Variants in FAM72A observed in about 807,000 individuals in gnomAD.
The protein encoded by FAM72A is protein FAM72A.
FAM72A carries 1 observed loss-of-function variant against 11.3 expected under a neutral mutation model. The ratio of observed to expected loss-of-function variants is 0.09; its 90% CI spans 0.03 to 0.42. FAM72A has a LOEUF of 0.42. Ranked by LOEUF, FAM72A falls within the 10% of genes least tolerant of loss-of-function variation. FAM72A has a pLI of 0.98. For synonymous variants in FAM72A, 5 were observed against 46.9 expected, an observed-to-expected ratio of 0.11 and a Z score of 3.65; for missense variants, 15 against 135.5, an observed-to-expected ratio of 0.11 and a Z score of 4.41.
At chr1:206,199,553 CT>C (rs1553298880) in intron 2 of FAM72A, among the ~76,000 whole-genome samples, 2 of 49,994 alleles carry the variant, frequency 4.0e-5, no homozygotes, top group Non-Finnish European at 8.1e-5. Context: ...TTTCTCCCCC[CT>C]AACCTACATT....
chr1:206,194,779 A>ATCACAGC (rs1664992286), intron 3 of FAM72A, among the ~76,000 whole-genome samples: 1 of 147,578 alleles, frequency 6.8e-6, no homozygotes, highest in Non-Finnish European at 1.5e-5. Flanking sequence ...CACTGGCATG[A>ATCACAGC]TCACAGCTCA....
At chr1:206,205,129 T>G (rs1372259057), upstream of FAM72A, 5 of 152,120 alleles carry the variant, frequency 3.3e-5, no homozygotes, top group Admixed American at 1.3e-4. Flanking sequence ...TGCCCAGCGC[T>G]GGCGGGGCTC....
intron 3 of FAM72A, among the ~76,000 whole-genome samples, chr1:206,194,283 G>T (rs1553298055): frequency 1.3e-5 from 2 of 152,250 alleles, no homozygotes; most frequent in Non-Finnish European, 2.9e-5. Context: ...AACTTTAATG[G>T]ATGAAGAGTT....
chr1:206,205,052 G>A (rs1458145060), upstream of FAM72A: 4 of 151,998 alleles, frequency 2.6e-5, no homozygotes, highest in Non-Finnish European at 4.4e-5. Context: ...GTACAGGGAG[G>A]TGCCCCGGCC....
intron 3 of FAM72A, among the ~76,000 whole-genome samples, chr1:206,193,522 C>T (rs1382878030): frequency 6.6e-6 from 1 of 152,138 alleles, no homozygotes; most frequent in African/African-American, 2.4e-5. Context: ...AAACAGCCTT[C>T]TATTGGAAGG....
chr1:206,192,818 G>A (rs1289354848), intron 3 of FAM72A, among the ~76,000 whole-genome samples: 3 of 144,798 alleles, frequency 2.1e-5, no homozygotes, highest in East Asian at 2.0e-4. Context: ...AGCAAAAAGT[G>A]CAGATGTAGA....
intron 3 of FAM72A, among the ~76,000 whole-genome samples, chr1:206,191,952 T>C (rs1664829778): frequency 1.3e-5 from 2 of 148,282 alleles, no homozygotes; most frequent in South Asian, 4.3e-4. Context: ...GCTAAAATAA[T>C]TAGTATAGGC....
chr1:206,193,751 C>G (rs1201315605), intron 3 of FAM72A, among the ~76,000 whole-genome samples: 1 of 150,796 alleles, frequency 6.6e-6, no homozygotes, highest in Non-Finnish European at 1.5e-5. Context: ...GCCTGGACGA[C>G]AGCAAATCTG....
intron 3 of FAM72A, 148 bp from the exon 4 acceptor site, chr1:206,187,521 A>C (rs1276224228): frequency 9.7e-6 from 6 of 618,330 alleles, no homozygotes; most frequent in African/African-American, 7.4e-5. Flanking sequence ...ACTGCAAATA[A>C]AATTACCTAA....
chr1:206,203,844 T>G (rs1665579776), upstream of FAM72A: 5 of 1,507,458 alleles, frequency 3.3e-6, no homozygotes, highest in East Asian at 1.2e-4. Context: ...CCCATAATAC[T>G]TCTCAGGACT....
chr1:206,202,040 GA>G lies in FAM72A; in HGVS notation c.-16del, dbSNP rs1553299298. On this transcript the variant is annotated 5_prime_UTR_variant, in exon 1 of 4. Transcript: ENST00000367128. ...TTGGTAGACATGGCGTCGCAGGAAGGATGAGGTGTGGGATTTTGAAAAAGGA... is the reference window on the plus strand; with the variant it reads ...TTGGTAGACATGGCGTCGCAGGAAGGTGAGGTGTGGGATTTTGAAAAAGGA... 1 of 1,478,956 alleles carries G rather than the reference GA, an allele frequency of 6.8e-7. No individual in the cohort carries two copies. Among genetic ancestry groups the G allele is most frequent in the East Asian group, 2.3e-5 (1 of 43,914 alleles). 91.6% of individuals were successfully genotyped at this position (1,478,956 alleles called of 1,614,324 possible).
chr1:206,202,869 C>T (rs1294201475), upstream of FAM72A: 2 of 129,898 alleles, frequency 1.5e-5, no homozygotes, highest in African/African-American at 6.0e-5. Context: ...TCCGCTTTTC[C>T]TGCCTCTCCA....
chr1:206,205,176 C>G (rs1233188382), upstream of FAM72A: 4 of 152,226 alleles, frequency 2.6e-5, no homozygotes, highest in Admixed American at 1.3e-4. Context: ...CCGCCTGGTG[C>G]CCCGCGTTCC....
chr1:206,193,101 C>T (rs1485159813), intron 3 of FAM72A, among the ~76,000 whole-genome samples: 3 of 150,992 alleles, frequency 2.0e-5, no homozygotes, highest in Admixed American at 6.6e-5. Flanking sequence ...TTAGTAGAGA[C>T]GGGGTTTCTC....
At position 206,186,799 on chromosome 1, in the gene FAM72A, A is replaced by T. The variant is rs1664557172; in HGVS notation, c.*480T>A. 8.0e-6 allele frequency: 1 copy of T among 125,090 alleles called. No individual in the cohort carries two copies. The highest frequency in any genetic ancestry group is 1.7e-5 in the Non-Finnish European group (1 of 60,602). 7.7% of individuals were successfully genotyped at this position (125,090 alleles called of 1,614,324 possible). Reference sequence around the variant, plus strand: ...ACTCTTGCTCCATGTTAAAGCAGTTATCACCAATAGAACCTATGAGAACCA... The same window carrying T: ...ACTCTTGCTCCATGTTAAAGCAGTTTTCACCAATAGAACCTATGAGAACCA... On this transcript the variant is annotated 3_prime_UTR_variant, in exon 4 of 4. Transcript: ENST00000367128.
At chr1:206,193,587 A>G (rs1303325928) in intron 3 of FAM72A, among the ~76,000 whole-genome samples, 6 of 152,216 alleles carry the variant, frequency 3.9e-5, no homozygotes, top group Non-Finnish European at 8.8e-5. Flanking sequence ...TTGGCTTCAA[A>G]GCTTCAAAGG....
chr1:206,203,308 G>A, upstream of FAM72A: 1 of 399,014 alleles, frequency 2.5e-6, no homozygotes, highest in Admixed American at 4.2e-5. Flanking sequence ...CCGCCCATCA[G>A]TTCTACTTAG....
intron 2 of FAM72A, among the ~76,000 whole-genome samples, chr1:206,198,354 A>G (rs1665180526): frequency 2.6e-5 from 4 of 151,020 alleles, no homozygotes. Flanking sequence ...ACAGAGCAAA[A>G]CTCCGTCTTA....
intron 3 of FAM72A, among the ~76,000 whole-genome samples, chr1:206,191,714 C>A (rs1423859292): frequency 2.4e-4 from 33 of 137,106 alleles, no homozygotes; most frequent in Non-Finnish European, 4.0e-4. Flanking sequence ...TACTTTCTTA[C>A]TAAAATATTA....
Sources: allele counts gnomAD v4.1 joint callset (sites outside exome capture counted in the v4.1 genomes callset), GRCh38; gene constraint gnomAD v4.1.1; transcripts MANE v1.5; gene names NCBI Gene and HGNC (gene_info 2026-07-23, HGNC 2026-07-21).